The following DCAF7 variants were observed in gnomAD, a reference collection of about 807,000 sequenced individuals.
The protein encoded by DCAF7 is DDB1 and CUL4 associated factor 7, also known as DDB1- and CUL4-associated factor 7.
A neutral mutation model predicts 41.2 loss-of-function variants in DCAF7; 4 were observed. That is an observed-to-expected ratio of 0.10 (90% CI 0.05 to 0.22). DCAF7 has a LOEUF of 0.22. Ranked by LOEUF, DCAF7 falls within the 10% of genes least tolerant of loss-of-function variation. The pLI is 1.00. For synonymous variants in DCAF7, 143 were observed against 164.2 expected (o/e 0.87, Z 0.99); for missense variants, 131 against 443.2 (o/e 0.30, Z 6.32).
intron 6 of DCAF7, among the ~76,000 whole-genome samples, chr17:63,587,001 C>T (rs962586550): frequency 6.6e-6 from 1 of 152,052 alleles, no homozygotes; most frequent in Non-Finnish European, 1.5e-5. Context: ...ACATCTATGC[C>T]CCCAAATACA....
At chr17:63,568,919 G>A (rs752475521) in intron 1 of DCAF7, among the ~76,000 whole-genome samples, 5 of 152,176 alleles carry the variant, frequency 3.3e-5, no homozygotes, top group Non-Finnish European at 5.9e-5. Flanking sequence ...TGCCTTCCAG[G>A]CTAAAACTAG....
rs891230955 is a variant in DCAF7, at chr17:63,591,759, G to A, written c.*2587G>A. The A allele has an allele frequency of 6.6e-6, 1 of 152,294 alleles. No individual in the cohort carries two copies. The highest frequency in any genetic ancestry group is 1.5e-5 in the Non-Finnish European group (1 of 68,070). The allele number at this position is 152,294 out of a possible 1,614,324, so 9.4% of individuals were successfully genotyped here. ...TGAGGTTCTCAAACTGACAGCCAGCGAGACTGGGTGGGAGGCCCTGGATCT... is the reference window on the plus strand; with the variant it reads ...TGAGGTTCTCAAACTGACAGCCAGCAAGACTGGGTGGGAGGCCCTGGATCT... On this transcript the variant is annotated 3_prime_UTR_variant, in exon 7 of 7. Coordinates refer to ENST00000614556, the MANE Select transcript of DCAF7 (RefSeq NM_005828.5).
Position 63,576,301 on chromosome 17 carries a change from G to A in DCAF7, c.139-2169G>A, listed in dbSNP as rs140022557. Among the ~76,000 whole-genome samples, 1,279 of 152,186 alleles carry A rather than the reference G, an allele frequency of 8.4e-3. 18 individuals are homozygous for A. The highest frequency in any genetic ancestry group is 0.031 in the Middle Eastern group (9 of 294). ...TACTAAAAATATTAAAAAATTAGCC[G>A]GGCGTAGTGGCACATGCCTGTAGTC... is the stretch of plus-strand genomic sequence containing the variant. On this transcript the variant is annotated intron_variant, in intron 1 of 6. Transcript: ENST00000614556.
intron 1 of DCAF7, among the ~76,000 whole-genome samples, chr17:63,571,853 C>T (rs749597320): frequency 3.9e-5 from 6 of 151,924 alleles, no homozygotes; most frequent in South Asian, 2.1e-4. Context: ...CCTCACTTGA[C>T]ACTTACTGAA....
At chr17:63,561,019 C>T (rs1187164288) in intron 1 of DCAF7, among the ~76,000 whole-genome samples, 1 of 152,212 alleles carries the variant, frequency 6.6e-6, no homozygotes, top group Non-Finnish European at 1.5e-5. Flanking sequence ...CCTGTAATCC[C>T]AGCACTTTGG....
chr17:63,559,333 AC>A (rs1874926140), intron 1 of DCAF7, among the ~76,000 whole-genome samples: 1 of 74,024 alleles, frequency 1.4e-5, no homozygotes, highest in African/African-American at 9.3e-5. Context: ...ATATATATAT[AC>A]ATACATATAT....
intron 1 of DCAF7, among the ~76,000 whole-genome samples, chr17:63,569,529 C>A (rs2033482575): frequency 6.6e-6 from 1 of 152,174 alleles, no homozygotes; most frequent in African/African-American, 2.4e-5. Context: ...TCTCACATAG[C>A]AGCACCATCC....
chr17:63,577,804 A>T lies in DCAF7; in HGVS notation c.139-666A>T, dbSNP rs111503967. Among the ~76,000 whole-genome samples the T allele has an allele frequency of 5.1e-4, 77 of 152,268 alleles. 1 individual carries two copies. Among genetic ancestry groups the T allele is most frequent in the African/African-American group, 1.2e-3 (51 of 41,564 alleles). ...ACTTCAGTCATTGTGGCAGCCAAGA[A>T]CCACCCCTGGTCATTTTCAAATACC... On this transcript the variant is annotated intron_variant, in intron 1 of 6. Transcript: ENST00000614556.
chr17:63,568,821 C>T (rs2033473717), intron 1 of DCAF7, among the ~76,000 whole-genome samples: 1 of 152,182 alleles, frequency 6.6e-6, no homozygotes, highest in Admixed American at 6.5e-5. Flanking sequence ...TGCCTCTTTC[C>T]TTGCATGCTT....
intron 1 of DCAF7, among the ~76,000 whole-genome samples, chr17:63,561,114 A>C (rs2033375036): frequency 6.6e-6 from 1 of 151,816 alleles, no homozygotes; most frequent in Non-Finnish European, 1.5e-5. Context: ...AAAATACAAA[A>C]ATTAGTTGGG....
Position 63,593,356 on chromosome 17 carries a change from A to G in DCAF7, c.*4184A>G, listed in dbSNP as rs148102923. On this transcript the variant is annotated 3_prime_UTR_variant, in exon 7 of 7. Coordinates refer to ENST00000614556, the MANE Select transcript of DCAF7 (RefSeq NM_005828.5). ...CACAGTGTCACTGCTGCTAATGGTC[A>G]AAGTCAAATGTGTGGCCACATGGGA... The G allele has an allele frequency of 1.9e-3, 291 of 152,842 alleles. 3 individuals are homozygous for G. Among genetic ancestry groups the G allele is most frequent in the Non-Finnish European group, 2.7e-3 (181 of 68,088 alleles). 9.5% of individuals were successfully genotyped at this position (152,842 alleles called of 1,614,324 possible). A position where few individuals can be genotyped will look rare whatever the true frequency, so the allele number is the denominator to read the frequency against.
chr17:63,550,662 C>A lies in DCAF7; in HGVS notation c.-16C>A. 1 of 1,612,444 alleles carries A rather than the reference C, an allele frequency of 6.2e-7. No homozygotes were observed. On this transcript the variant is annotated 5_prime_UTR_variant, in exon 1 of 7. Transcript: ENST00000614556. This position sits in a 1 kb window ranked among gnomAD's most constrained non-coding sequence, Gnocchi z 4.8. ...CCCACTGTTGACCCGGCCCGTACTG[C>A]GGCCCCGTGGCCACCATGTCCCTGC...
chr17:63,571,029 T>C (rs760506327), intron 1 of DCAF7, among the ~76,000 whole-genome samples: 1 of 151,848 alleles, frequency 6.6e-6, no homozygotes, highest in African/African-American at 2.4e-5. Flanking sequence ...CTACTAAAAA[T>C]ACAAAAATTA....
At chr17:63,580,802 G>A (rs188064443) in intron 4 of DCAF7, among the ~76,000 whole-genome samples, 245 of 152,170 alleles carry the variant, frequency 1.6e-3, no homozygotes, top group African/African-American at 5.5e-3. Flanking sequence ...GATTACAGGC[G>A]TGAGCCACTG....
chr17:63,586,592 T>C (rs776685736), intron 6 of DCAF7, among the ~76,000 whole-genome samples: 5 of 152,026 alleles, frequency 3.3e-5, no homozygotes, highest in Non-Finnish European at 7.4e-5. Context: ...GGTGAAACCC[T>C]GTCTCTACTA....
At chr17:63,583,841 T>C in intron 5 of DCAF7, 130 bp downstream of exon 5, 1 of 913,390 alleles carries the variant, frequency 1.1e-6, no homozygotes, top group East Asian at 2.6e-5. Flanking sequence ...GAGGCATTTT[T>C]GATTGTCACA....
intron 1 of DCAF7, among the ~76,000 whole-genome samples, chr17:63,572,809 C>A (rs1356240301): frequency 2.0e-5 from 3 of 152,230 alleles, no homozygotes; most frequent in Non-Finnish European, 4.4e-5. Flanking sequence ...GTTGCCCAGG[C>A]TGCAGTGTGG....
chr17:63,585,774 G>C (rs1029232502), intron 6 of DCAF7, among the ~76,000 whole-genome samples: 1 of 152,188 alleles, frequency 6.6e-6, no homozygotes, highest in Admixed American at 6.5e-5. Flanking sequence ...AACTTTGCCT[G>C]GTTGTGGTTT....
At chr17:63,582,665 T>C (rs929781587) in intron 4 of DCAF7, among the ~76,000 whole-genome samples, 13 of 152,052 alleles carry the variant, frequency 8.5e-5, no homozygotes, top group East Asian at 5.8e-4. Context: ...GAGATGGGGT[T>C]TCACTGGGTT....
Sources: allele counts gnomAD v4.1 joint callset (sites outside exome capture counted in the v4.1 genomes callset), GRCh38; gene constraint gnomAD v4.1.1; non-coding constraint Gnocchi (gnomAD v3.1); transcripts MANE v1.5; gene names NCBI Gene and HGNC (gene_info 2026-07-23, HGNC 2026-07-21).